COX10: variants seen among roughly 807,000 people sequenced by gnomAD.
COX10 encodes protoheme IX farnesyltransferase, mitochondrial.
Under a neutral mutation model 37.3 loss-of-function variants are expected in COX10, and 27 were observed. That is an observed-to-expected ratio of 0.72 (90% CI 0.53 to 1.00). The LOEUF (loss-of-function observed/expected upper bound fraction) is 1.00, where lower values mean the gene tolerates loss of function less well. Among genes scored for constraint, COX10 ranks in the 50% least tolerant of loss-of-function variants. The pLI is 0.00. For missense variants in COX10, 475 were observed against 563.2 expected, an observed-to-expected ratio of 0.84 and a Z score of 1.59; for synonymous variants, 222 against 229.1, an observed-to-expected ratio of 0.97 and a Z score of 0.28.
At chr17:14,107,092 A>G (rs1241817214) in intron 4 of COX10, among the ~76,000 whole-genome samples, 3 of 151,974 alleles carry the variant, frequency 2.0e-5, no homozygotes, top group East Asian at 3.9e-4. Flanking sequence ...ACTTCTACCC[A>G]CTGGACACTG....
intron 4 of COX10, among the ~76,000 whole-genome samples, chr17:14,148,889 A>G (rs1423194300): frequency 1.3e-5 from 2 of 149,332 alleles, no homozygotes; most frequent in Non-Finnish European, 3.0e-5. Flanking sequence ...CTATTTGGAT[A>G]ATATATAATT....
chr17:14,181,700 C>T (rs1165793676), intron 5 of COX10, among the ~76,000 whole-genome samples: 9 of 152,144 alleles, frequency 5.9e-5, no homozygotes, highest in East Asian at 1.9e-4. Context: ...GTGTCTGTCA[C>T]GTGGCAGGCA....
intron 4 of COX10, among the ~76,000 whole-genome samples, chr17:14,147,013 G>A (rs1244289803): frequency 6.6e-6 from 1 of 152,156 alleles, no homozygotes; most frequent in Non-Finnish European, 1.5e-5. Context: ...GCAAGGATGT[G>A]GAGAAAAGGG....
At chr17:14,145,390 A>C (rs186201278) in intron 4 of COX10, among the ~76,000 whole-genome samples, 72 of 152,300 alleles carry the variant, frequency 4.7e-4, no homozygotes, top group Non-Finnish European at 7.4e-5. Flanking sequence ...AGAGAAAAGT[A>C]GAATATTAGG....
chr17:14,179,057 C>G lies in COX10; in HGVS notation c.696-12932C>G, dbSNP rs555822459. The G allele has an allele frequency of 1.1e-4, 17 of 160,118 alleles. No individual in the cohort carries two copies. The South Asian group carries it at 3.4e-3, about 32-fold the overall frequency. The allele number at this position is 160,118 out of a possible 1,614,324, so 9.9% of individuals were successfully genotyped here. On this transcript the variant is annotated intron_variant, in intron 5 of 6. Coordinates refer to ENST00000261643, the MANE Select transcript of COX10 (RefSeq NM_001303.4). ...TATAATCTACCTCCCCAACTTTCAA[C>G]AAACACATTATGTCAAATTCTTTCT...
At chr17:14,094,097 A>G (rs1016970173) in intron 3 of COX10, among the ~76,000 whole-genome samples, 1 of 152,142 alleles carries the variant, frequency 6.6e-6, no homozygotes, top group African/African-American at 2.4e-5. Context: ...CATAAACCAT[A>G]TGATTCTCTT....
intron 5 of COX10, among the ~76,000 whole-genome samples, chr17:14,162,175 GC>G (rs1447043760): frequency 2.0e-5 from 3 of 152,142 alleles, no homozygotes; most frequent in African/African-American, 7.2e-5. Flanking sequence ...GCAACAGCTG[GC>G]AATAACCAGA....
At chr17:14,203,934 A>C (rs1906619841) in intron 6 of COX10, among the ~76,000 whole-genome samples, 1 of 152,092 alleles carries the variant, frequency 6.6e-6, no homozygotes, top group Admixed American at 6.5e-5. Flanking sequence ...GTGAACTCTC[A>C]GTTCTCTGCC....
At chr17:14,192,520 T>C (rs1351344841) in intron 6 of COX10, among the ~76,000 whole-genome samples, 1 of 152,158 alleles carries the variant, frequency 6.6e-6, no homozygotes, top group Non-Finnish European at 1.5e-5. Context: ...GAAGCTATGA[T>C]GAAAATCACA....
At chr17:14,193,244 T>C (rs1170879795) in intron 6 of COX10, among the ~76,000 whole-genome samples, 1 of 152,230 alleles carries the variant, frequency 6.6e-6, no homozygotes. Flanking sequence ...ACCCCACCGC[T>C]CATGAGCTGT....
At chr17:14,186,121 T>TG (rs1264781781) in intron 5 of COX10, among the ~76,000 whole-genome samples, 44 of 152,356 alleles carry the variant, frequency 2.9e-4, no homozygotes, top group South Asian at 8.3e-4. Flanking sequence ...GAGCCTCTCT[T>TG]GTGAGGTGAA....
At chr17:14,109,911 G>A (rs537591977) in intron 4 of COX10, among the ~76,000 whole-genome samples, 2 of 152,122 alleles carry the variant, frequency 1.3e-5, no homozygotes, top group East Asian at 3.9e-4. Flanking sequence ...TAAAAGTTTG[G>A]TCAGGTTTTG....
At chr17:14,132,989 G>C (rs772750959) in intron 4 of COX10, among the ~76,000 whole-genome samples, 5 of 151,500 alleles carry the variant, frequency 3.3e-5, no homozygotes, top group Non-Finnish European at 7.4e-5. Context: ...AATCAATTTG[G>C]AAATTTTGTT....
At chr17:14,197,550 T>C (rs1007463301) in intron 6 of COX10, among the ~76,000 whole-genome samples, 4 of 152,230 alleles carry the variant, frequency 2.6e-5, no homozygotes, top group Non-Finnish European at 5.9e-5. Context: ...CCGGCCCACT[T>C]CGGGAATCCA....
chr17:14,146,957 C>T (rs1904740087), intron 4 of COX10, among the ~76,000 whole-genome samples: 1 of 152,054 alleles, frequency 6.6e-6, no homozygotes, highest in South Asian at 2.1e-4. Context: ...TCATCTCACC[C>T]CAGTTAAAAT....
intron 2 of COX10, 126 bp downstream of exon 2, chr17:14,074,582 C>G: frequency 1.1e-6 from 1 of 913,004 alleles, no homozygotes; most frequent in Non-Finnish European, 1.8e-6. Flanking sequence ...TATTTAGTGT[C>G]CTTAAATTTA....
At chr17:14,174,870 G>T (rs1002247767) in intron 5 of COX10, among the ~76,000 whole-genome samples, 49 of 151,152 alleles carry the variant, frequency 3.2e-4, no homozygotes, top group Middle Eastern at 6.8e-3. Context: ...CTCAGCTGAT[G>T]AATAGATAAA....
At chr17:14,113,416 T>C (rs1198329387) in intron 4 of COX10, among the ~76,000 whole-genome samples, 1 of 152,112 alleles carries the variant, frequency 6.6e-6, no homozygotes, top group Non-Finnish European at 1.5e-5. Context: ...AAGTAGGACA[T>C]ACAATGTTTA....
chr17:14,105,657 A>C (rs990199994), intron 4 of COX10, among the ~76,000 whole-genome samples: 11 of 152,190 alleles, frequency 7.2e-5, no homozygotes, highest in African/African-American at 2.2e-4. Flanking sequence ...TTTTCATTGC[A>C]TATCAGTGAG....
Sources: allele counts gnomAD v4.1 joint callset (sites outside exome capture counted in the v4.1 genomes callset), GRCh38; gene constraint gnomAD v4.1.1; transcripts MANE v1.5; gene names NCBI Gene and HGNC (gene_info 2026-07-23, HGNC 2026-07-21).